The following COL22A1 variants were observed in gnomAD, a reference collection of about 807,000 sequenced individuals.
The protein encoded by COL22A1 is collagen alpha-1(XXII) chain.
In COL22A1, 221 loss-of-function variants were observed where a neutral mutation model predicts 248.9. The observed-to-expected ratio is 0.89, with a 90% CI of 0.80 to 0.99. The LOEUF (loss-of-function observed/expected upper bound fraction) is 0.99, where lower values mean the gene tolerates loss of function less well. Ranked by LOEUF, COL22A1 falls within the 50% of genes least tolerant of loss-of-function variation. The pLI is 0.00. For missense variants in COL22A1, 2,240 were observed against 2,179.0 expected (o/e 1.03, Z -0.56); for synonymous variants, 891 against 793.4 (o/e 1.12, Z -2.07).
chr8:138,859,810 C>T (rs375789040), intron 3 of COL22A1, among the ~76,000 whole-genome samples: 2 of 152,226 alleles, frequency 1.3e-5, no homozygotes, highest in African/African-American at 4.8e-5. Flanking sequence ...TGCATCCCTG[C>T]ATGGCTGTGA....
chr8:138,814,456 T>A (rs11166847), intron 7 of COL22A1, among the ~76,000 whole-genome samples: 3 of 152,002 alleles, frequency 2.0e-5, no homozygotes, highest in South Asian at 2.1e-4. Context: ...TGTCCCTCTC[T>A]CTCTCATCAC....
intron 50 of COL22A1, among the ~76,000 whole-genome samples, chr8:138,627,431 G>A (rs944692711): frequency 6.6e-5 from 10 of 152,076 alleles, no homozygotes; most frequent in Middle Eastern, 3.2e-3. Flanking sequence ...GGTTCTTTAT[G>A]GAAAAAGTTT....
intron 36 of COL22A1, among the ~76,000 whole-genome samples, 195 bp from the exon 37 acceptor site, chr8:138,689,165 G>GGT (rs1554749871): frequency 1.3e-5 from 2 of 151,494 alleles, no homozygotes; most frequent in Non-Finnish European, 2.9e-5. Flanking sequence ...TCCCGGGGGG[G>GGT]GGGCTGGCCT....
intron 47 of COL22A1, 65 bp from the exon 48 acceptor site, chr8:138,636,860 T>G (rs1821225862): frequency 7.8e-7 from 1 of 1,282,484 alleles, no homozygotes; most frequent in Non-Finnish European, 1.1e-6. Flanking sequence ...CAAAAATCAT[T>G]TTCATGCATT....
intron 49 of COL22A1, among the ~76,000 whole-genome samples, chr8:138,631,697 G>GA (rs397747815): frequency 0.015 from 18 of 1,184 alleles, no homozygotes; most frequent in African/African-American, 0.044. Flanking sequence ...CATATGCACA[G>GA]CCTCATACCC....
chr8:138,822,393 T>C (rs1327210027), intron 6 of COL22A1, among the ~76,000 whole-genome samples: 1 of 152,190 alleles, frequency 6.6e-6, no homozygotes, highest in Admixed American at 6.5e-5. Context: ...TTCTCATCCA[T>C]GTACTTATTT....
At chr8:138,815,422 T>C (rs543638848) in intron 7 of COL22A1, among the ~76,000 whole-genome samples, 4 of 152,240 alleles carry the variant, frequency 2.6e-5, no homozygotes, top group Admixed American at 2.6e-4. Context: ...TCTCTCGCTC[T>C]CCCCAGGCCC....
chr8:138,865,793 C>CTA (rs780541954), intron 3 of COL22A1, among the ~76,000 whole-genome samples: 2 of 114,996 alleles, frequency 1.7e-5, no homozygotes, highest in African/African-American at 6.2e-5. Context: ...GTTTGTATGC[C>CTA]TGTGTGTGTG....
chr8:138,656,698 G>A (rs1379183139), intron 44 of COL22A1, among the ~76,000 whole-genome samples: 1 of 152,118 alleles, frequency 6.6e-6, no homozygotes. Context: ...AGGAAAGAAG[G>A]GATTCTTAGG....
At chr8:138,639,188 G>C (rs1300430661) in intron 47 of COL22A1, among the ~76,000 whole-genome samples, 1 of 152,186 alleles carries the variant, frequency 6.6e-6, no homozygotes, top group African/African-American at 2.4e-5. Context: ...CAGAGTGTTA[G>C]ATAATAAATC....
At chr8:138,867,582 G>A (rs188052691) in intron 3 of COL22A1, among the ~76,000 whole-genome samples, 1 of 152,302 alleles carries the variant, frequency 6.6e-6, no homozygotes, top group Non-Finnish European at 1.5e-5. Flanking sequence ...TGGCTGGCAA[G>A]TGGCAGACCT....
chr8:138,832,405 A>C (rs984455338), intron 5 of COL22A1, among the ~76,000 whole-genome samples: 1 of 152,128 alleles, frequency 6.6e-6, no homozygotes, highest in African/African-American at 2.4e-5. Flanking sequence ...TTTTCAAAAG[A>C]TTTGTCTGCC....
At chr8:138,597,665 A>G (rs1817653057) in intron 61 of COL22A1, among the ~76,000 whole-genome samples, 1 of 152,228 alleles carries the variant, frequency 6.6e-6, no homozygotes, top group African/African-American at 2.4e-5. Flanking sequence ...CTACCCCTCA[A>G]GGGCAGGGGT....
chr8:138,826,125 T>A (rs1279607596), intron 6 of COL22A1: 1 of 155,500 alleles, frequency 6.4e-6, no homozygotes, highest in African/African-American at 2.4e-5. Flanking sequence ...TCTAGATGCT[T>A]TACAGACCAT....
At chr8:138,882,358 T>C (rs1201636843) in intron 2 of COL22A1, among the ~76,000 whole-genome samples, 1 of 150,418 alleles carries the variant, frequency 6.6e-6, no homozygotes, top group Non-Finnish European at 1.5e-5. Flanking sequence ...ACACACTCCC[T>C]TAAACTCACA....
At chr8:138,879,971 T>G (rs999141422) in intron 2 of COL22A1, among the ~76,000 whole-genome samples, 7 of 152,214 alleles carry the variant, frequency 4.6e-5, no homozygotes, top group African/African-American at 1.7e-4. Flanking sequence ...GGCCATGGAC[T>G]TGTCACACCC....
intron 49 of COL22A1, among the ~76,000 whole-genome samples, chr8:138,633,619 A>C (rs1055612207): frequency 6.6e-6 from 1 of 152,216 alleles, no homozygotes; most frequent in South Asian, 2.1e-4. Flanking sequence ...TGAATAAACT[A>C]TTTTTTAAGT....
intron 16 of COL22A1, among the ~76,000 whole-genome samples, chr8:138,775,525 A>G (rs909671436): frequency 2.0e-4 from 30 of 152,160 alleles, no homozygotes; most frequent in African/African-American, 6.8e-4. Flanking sequence ...CAGGTCACCA[A>G]TGCCACTCTT....
In COL22A1 at chr8:138,664,635, C is replaced by T. The variant is rs1283357788; in HGVS notation, c.3151-895G>A. 2.6e-5 allele frequency among the ~76,000 whole-genome samples: 4 copies of T among 152,260 alleles called. No homozygotes were observed. The South Asian group carries it at 6.2e-4, about 24-fold the overall frequency. On this transcript the variant is annotated intron_variant, in intron 41 of 64. Coordinates refer to ENST00000303045, the MANE Select transcript of COL22A1 (RefSeq NM_152888.3). The stretch of plus-strand genomic sequence containing the variant: ...CCAGCATTGTTACTGCCTGTTGGTC[C>T]ACTCCTCTTCACTGAATGGACTGAA...
Sources: gnomAD v4.1 joint callset for allele counts (sites outside exome capture counted in the v4.1 genomes callset) on GRCh38, gnomAD v4.1.1 for gene constraint, MANE v1.5 for transcripts, NCBI Gene and HGNC (gene_info 2026-07-23, HGNC 2026-07-21) for gene names.